CACNA1A: variants seen among roughly 807,000 people sequenced by gnomAD.
CACNA1A encodes calcium voltage-gated channel subunit alpha1 A, also known as voltage-dependent P/Q-type calcium channel subunit alpha-1A.
In CACNA1A, 57 loss-of-function variants were observed where a neutral mutation model predicts 262.4. The ratio of observed to expected loss-of-function variants is 0.22; its 90% confidence interval spans 0.18 to 0.27. The LOEUF (loss-of-function observed/expected upper bound fraction) is 0.27. Among genes scored for constraint, CACNA1A ranks in the 10% least tolerant of loss-of-function variants. CACNA1A has a pLI of 1.00. For missense variants in CACNA1A, 2,526 were observed against 3,562.8 expected, an observed-to-expected ratio of 0.71 and a Z score of 7.41; for synonymous variants, 1,431 against 1,419.3, an observed-to-expected ratio of 1.01 and a Z score of -0.18.
intron 24 of CACNA1A, among the ~76,000 whole-genome samples, chr19:13,269,780 A>G (rs2056968746): frequency 6.6e-6 from 1 of 151,608 alleles, no homozygotes; most frequent in Non-Finnish European, 1.5e-5. Context: ...ATTGAGCAGG[A>G]CACACACACA....
chr19:13,460,446 A>G (rs2061099585), intron 1 of CACNA1A, among the ~76,000 whole-genome samples: 1 of 152,194 alleles, frequency 6.6e-6, no homozygotes. Context: ...TTGGGTAAAG[A>G]GCCTGAGAAG....
At chr19:13,228,864 G>T in intron 36 of CACNA1A, 1 of 821,268 alleles carries the variant, frequency 1.2e-6, no homozygotes, top group Non-Finnish European at 2.0e-6. Flanking sequence ...ACACAGCGAG[G>T]TCATGATGCC....
chr19:13,291,531 G>T (rs151138286), intron 19 of CACNA1A, among the ~76,000 whole-genome samples: 2 of 151,590 alleles, frequency 1.3e-5, no homozygotes, highest in Non-Finnish European at 2.9e-5. Context: ...TGGTACAGTG[G>T]CTTACGCCTG....
At chr19:13,387,642 A>T (rs1415109503) in intron 3 of CACNA1A, among the ~76,000 whole-genome samples, 1 of 152,112 alleles carries the variant, frequency 6.6e-6, no homozygotes, top group Non-Finnish European at 1.5e-5. Flanking sequence ...GGATGTCAAT[A>T]AATATTTACA....
intron 3 of CACNA1A, among the ~76,000 whole-genome samples, chr19:13,379,852 T>C (rs1175968958): frequency 1.1e-5 from 1 of 95,042 alleles, no homozygotes; most frequent in Non-Finnish European, 1.9e-5. Context: ...TGAACCCGGG[T>C]GACAGAGGAT....
intron 10 of CACNA1A, among the ~76,000 whole-genome samples, chr19:13,319,373 G>A (rs2058199308): frequency 6.6e-6 from 1 of 151,864 alleles, no homozygotes; most frequent in Non-Finnish European, 1.5e-5. Flanking sequence ...ATTCCTTTGT[G>A]TGTACATCAT....
At chr19:13,409,333 A>C (rs530749373) in intron 3 of CACNA1A, among the ~76,000 whole-genome samples, 1 of 152,156 alleles carries the variant, frequency 6.6e-6, no homozygotes, top group East Asian at 1.9e-4. Context: ...GACCAATATC[A>C]TTCCTGATCT....
chr19:13,302,904 T>TG (rs1410986444), intron 17 of CACNA1A, among the ~76,000 whole-genome samples: 1 of 152,014 alleles, frequency 6.6e-6, no homozygotes, highest in Non-Finnish European at 1.5e-5. Flanking sequence ...GCACTGGAGG[T>TG]GGGGCTGCAA....
At chr19:13,348,959 G>A (rs972872418) in intron 6 of CACNA1A, among the ~76,000 whole-genome samples, 11 of 140,022 alleles carry the variant, frequency 7.9e-5, no homozygotes, top group Non-Finnish European at 1.5e-4. Flanking sequence ...AGTGAGCCGA[G>A]ATTGCGCCAC....
At chr19:13,383,262 G>C (rs557550806) in intron 3 of CACNA1A, among the ~76,000 whole-genome samples, 1 of 152,266 alleles carries the variant, frequency 6.6e-6, no homozygotes, top group Non-Finnish European at 1.5e-5. Context: ...CAGCCCCTAG[G>C]GCTTCCAATG....
chr19:13,374,017 C>G (rs758487544), intron 3 of CACNA1A, among the ~76,000 whole-genome samples: 2 of 152,162 alleles, frequency 1.3e-5, no homozygotes, highest in East Asian at 3.9e-4. Flanking sequence ...TGGGATACCC[C>G]CTACTTCAAG....
intron 3 of CACNA1A, among the ~76,000 whole-genome samples, chr19:13,399,564 C>A (rs1599369375): frequency 6.6e-6 from 1 of 152,258 alleles, no homozygotes; most frequent in East Asian, 1.9e-4. Context: ...ACGGTCAAAT[C>A]CTCTAATGAG....
intron 1 of CACNA1A, among the ~76,000 whole-genome samples, chr19:13,503,730 C>T (rs1008427390): frequency 7.0e-6 from 1 of 143,670 alleles, no homozygotes; most frequent in Non-Finnish European, 1.5e-5. Context: ...GGGGAGTTTT[C>T]CCTTCCAGAG....
intron 3 of CACNA1A, among the ~76,000 whole-genome samples, chr19:13,413,654 G>A (rs576710858): frequency 2.7e-5 from 4 of 148,590 alleles, no homozygotes; most frequent in African/African-American, 9.9e-5. Context: ...TGAGGTGGGA[G>A]GATCACCTGA....
chr19:13,416,872 G>A (rs1296754800), intron 3 of CACNA1A, among the ~76,000 whole-genome samples: 2 of 151,986 alleles, frequency 1.3e-5, no homozygotes, highest in South Asian at 2.1e-4. Flanking sequence ...GGGTATGGTG[G>A]TGCATGCCTG....
At position 13,330,229 on chromosome 19, in the gene CACNA1A, G is replaced by A. The variant is rs2145114716; in HGVS notation, c.1345+15C>T. ...GGTGATGAACAACTGATAGGTGGCA[G>A]AGGAAGGGACTCACCCACAGAGGCT... On this transcript the variant is annotated intron_variant, in intron 10 of 46. Transcript: ENST00000360228. 7 of 1,535,298 alleles carry A rather than the reference G, an allele frequency of 4.6e-6. No individual in the cohort carries two copies. In the South Asian group the frequency reaches 6.0e-5, roughly 13 times the overall value.
intron 10 of CACNA1A, among the ~76,000 whole-genome samples, chr19:13,325,999 A>G (rs1370636616): frequency 6.6e-6 from 1 of 152,124 alleles, no homozygotes; most frequent in African/African-American, 2.4e-5. Flanking sequence ...GATCTCTTGA[A>G]CGTATTCCTG....
At chr19:13,210,583 G>A (rs981820340) in intron 44 of CACNA1A, 34 bp downstream of exon 44, 7 of 1,550,588 alleles carry the variant, frequency 4.5e-6, no homozygotes, top group Non-Finnish European at 5.2e-6. Context: ...GGGGGCCGGA[G>A]CCCTGCTGGG....
rs1234042799 is a variant in CACNA1A, at chr19:13,236,866, A to G, written c.4951-1136T>C. Among the ~76,000 whole-genome samples, 2 of 151,956 alleles carry G rather than the reference A, an allele frequency of 1.3e-5. No homozygotes were observed. Among genetic ancestry groups the G allele is most frequent in the Admixed American group, 1.3e-4 (2 of 15,258 alleles). ...TCAGGGAGGAGACCAGCTAGAGTTA[A>G]GTGGCCATTGTGGGGCTTCAAGGGA... is the stretch of plus-strand genomic sequence containing the variant. On this transcript the variant is annotated intron_variant, in intron 31 of 46. Coordinates refer to ENST00000360228, the MANE Select transcript of CACNA1A (RefSeq NM_001127222.2). This position sits in a 1 kb window ranked among gnomAD's most constrained non-coding sequence, Gnocchi z 4.6.
Sources: allele counts gnomAD v4.1 joint callset (sites outside exome capture counted in the v4.1 genomes callset), GRCh38; gene constraint gnomAD v4.1.1; non-coding constraint Gnocchi (gnomAD v3.1); transcripts MANE v1.5; gene names NCBI Gene and HGNC (gene_info 2026-07-23, HGNC 2026-07-21).